The following WDFY4 variants were observed in gnomAD, a reference collection of about 807,000 sequenced individuals.
WDFY4 encodes the protein WDFY family member 4.
WDFY4 carries 169 observed loss-of-function variants against 351.9 expected under a neutral mutation model. The ratio of observed to expected loss-of-function variants is 0.48; its 90% CI spans 0.42 to 0.55. The LOEUF is 0.55. Ranked by LOEUF, WDFY4 falls within the 20% of genes least tolerant of loss-of-function variation. The pLI, the probability that WDFY4 is intolerant of heterozygous loss-of-function variation, is 0.00. For missense variants in WDFY4, 3,803 were observed against 3,935.6 expected (o/e 0.97, Z 0.90); for synonymous variants, 1,622 against 1,574.6 (o/e 1.03, Z -0.71).
chr10:48,686,984 G>A (rs1227712990), intron 1 of WDFY4, among the ~76,000 whole-genome samples: 3 of 152,040 alleles, frequency 2.0e-5, no homozygotes, highest in East Asian at 1.9e-4. Flanking sequence ...CCACCCCTCA[G>A]CAATGCACCA....
chr10:48,912,494 C>T (rs1838095576), intron 47 of WDFY4, among the ~76,000 whole-genome samples: 1 of 152,218 alleles, frequency 6.6e-6, no homozygotes, highest in Non-Finnish European at 1.5e-5. Context: ...CCCTGCACAT[C>T]CACGACTGGG....
intron 22 of WDFY4, 65 bp downstream of exon 22, chr10:48,790,050 C>T: frequency 6.8e-7 from 1 of 1,479,082 alleles, no homozygotes; most frequent in South Asian, 1.2e-5. Flanking sequence ...ATGGCTTGTG[C>T]ACCCTGGAGT....
intron 13 of WDFY4, among the ~76,000 whole-genome samples, chr10:48,772,833 G>T (rs1395838844): frequency 6.6e-6 from 1 of 151,208 alleles, no homozygotes; most frequent in Non-Finnish European, 1.5e-5. Flanking sequence ...TACTGAGAAT[G>T]GTGATTTCCA....
At chr10:48,729,616 C>T (rs1011413025) in intron 8 of WDFY4, 27 bp downstream of exon 8, 19 of 1,550,122 alleles carry the variant, frequency 1.2e-5, no homozygotes, top group African/African-American at 1.4e-5. Flanking sequence ...TCTGGGTGAC[C>T]GGAAGAGTCA....
intron 41 of WDFY4, among the ~76,000 whole-genome samples, chr10:48,874,269 A>T (rs2069906511): frequency 6.6e-6 from 1 of 152,204 alleles, no homozygotes. Flanking sequence ...TGAAGCTTGA[A>T]CTGTGTCGCA....
At chr10:48,716,245 G>A (rs556716486) in intron 2 of WDFY4, among the ~76,000 whole-genome samples, 56 of 152,196 alleles carry the variant, frequency 3.7e-4, no homozygotes, top group African/African-American at 1.3e-3. Flanking sequence ...ATGACATTTT[G>A]TTCGTGCTGG....
intron 47 of WDFY4, among the ~76,000 whole-genome samples, chr10:48,938,970 G>A (rs1057144223): frequency 6.6e-5 from 10 of 152,164 alleles, no homozygotes; most frequent in Non-Finnish European, 1.5e-5. Context: ...AATCCTCACT[G>A]GCTTCATTCG....
intron 43 of WDFY4, chr10:48,878,149 G>T (rs1387728289): frequency 6.6e-6 from 1 of 152,524 alleles, no homozygotes; most frequent in African/African-American, 2.4e-5. Context: ...CCCTTTCTGA[G>T]GGTTGGGTGG....
At chr10:48,849,187 TA>T (rs1306007612) in intron 39 of WDFY4, among the ~76,000 whole-genome samples, 4 of 152,134 alleles carry the variant, frequency 2.6e-5, no homozygotes, top group South Asian at 2.1e-4. Context: ...ACAGAAACCT[TA>T]AAAAAATAAT....
At position 48,976,857 on chromosome 10, in the gene WDFY4, C is replaced by G; in HGVS notation, c.9169C>G (p.Leu3057Val). 6.5e-7 allele frequency: 1 copy of G among 1,536,382 alleles called. No homozygotes were observed. The highest frequency in any genetic ancestry group is 8.8e-7 in the Non-Finnish European group (1 of 1,138,678). The change falls in exon 59 of 62, where the codon CTG becomes GTG. Residue 3057 changes from leucine to valine, a missense_variant. Coordinates refer to ENST00000325239, the MANE Select transcript of WDFY4 (RefSeq NM_001394531.1). The part of the protein sequence containing the change: ...LSLWNVNGQP[L>V]ASITTAWGPE... ...CCTGTGGAATGTCAATGGACAGCCC[C>G]TGGCCAGCATCACCACAGCCTGGGG... is the stretch of plus-strand genomic sequence containing the variant.
At chr10:48,753,477 C>G (rs2065243952) in intron 12 of WDFY4, among the ~76,000 whole-genome samples, 1 of 152,130 alleles carries the variant, frequency 6.6e-6, no homozygotes, top group Non-Finnish European at 1.5e-5. Flanking sequence ...ACTGTGTTTT[C>G]TCCTAAAAAT....
At position 48,760,393 on chromosome 10, in the gene WDFY4, A is replaced by C; in HGVS notation, c.2506A>C (p.Ile836Leu). ...AAIMHPGVVC[I>L]MVRLLPRLYH... The stretch of plus-strand genomic sequence containing the variant: ...AATCATGCATCCCGGGGTCGTGTGC[A>C]TCATGGTGAGGCTGCTGCCTCGGTT... The change falls in exon 13 of 62, where the codon ATC (isoleucine) becomes CTC (leucine). Residue 836 changes from isoleucine to leucine, a missense_variant. Transcript: ENST00000325239. 3 of 1,551,688 alleles carry C rather than the reference A, an allele frequency of 1.9e-6. No individual in the cohort carries two copies. The highest frequency in any genetic ancestry group is 2.6e-6 in the Non-Finnish European group (3 of 1,146,984).
chr10:48,932,330 A>G (rs929251196), intron 47 of WDFY4, among the ~76,000 whole-genome samples: 2 of 152,198 alleles, frequency 1.3e-5, no homozygotes, highest in South Asian at 4.1e-4. Flanking sequence ...GGAATCTCAG[A>G]TGGAGGAGTT....
At chr10:48,809,054 A>G (rs1431111325) in intron 28 of WDFY4, among the ~76,000 whole-genome samples, 3 of 152,248 alleles carry the variant, frequency 2.0e-5, no homozygotes, top group Admixed American at 6.5e-5. Flanking sequence ...ATGAATTAAT[A>G]TATGGATAAT....
intron 31 of WDFY4, among the ~76,000 whole-genome samples, chr10:48,816,273 T>C (rs535017681): frequency 1.3e-5 from 2 of 152,364 alleles, no homozygotes; most frequent in Non-Finnish European, 2.9e-5. Context: ...TGTGGATTTA[T>C]ATAAATAACC....
intron 28 of WDFY4, among the ~76,000 whole-genome samples, chr10:48,809,656 C>G (rs963758123): frequency 6.6e-6 from 1 of 152,198 alleles, no homozygotes; most frequent in Non-Finnish European, 1.5e-5. Flanking sequence ...CAACGTTAAT[C>G]ACTATCACCA....
chr10:48,740,765 C>T (rs571636190), intron 11 of WDFY4, among the ~76,000 whole-genome samples: 34 of 152,360 alleles, frequency 2.2e-4, no homozygotes, highest in African/African-American at 8.2e-4. Flanking sequence ...TCACACTTGA[C>T]TGCCCCCTTT....
intron 39 of WDFY4, among the ~76,000 whole-genome samples, chr10:48,850,407 G>A (rs2068918584): frequency 6.6e-6 from 1 of 152,032 alleles, no homozygotes; most frequent in Admixed American, 6.5e-5. Context: ...CATCCATTAA[G>A]CCCATTAAGT....
rs924829355 is a variant in WDFY4 at position 48,828,773 on chromosome 10, A to C, written c.6222-5A>C. On this transcript the variant is annotated splice_region_variant and splice_polypyrimidine_tract_variant and intron_variant, in intron 36 of 61. Transcript: ENST00000325239. ...GATTTTAGTGAAAAATCTCTTATCC[A>C]CTAGTTACCCAGAAGGATTTGGATT... The C allele has an allele frequency of 2.6e-6, 4 of 1,510,886 alleles. No homozygotes were observed. In the African/African-American group the frequency reaches 5.6e-5, roughly 21 times the overall value. 93.6% of individuals were successfully genotyped at this position (1,510,886 alleles called of 1,614,324 possible).
Sources: allele counts gnomAD v4.1 joint callset (sites outside exome capture counted in the v4.1 genomes callset), GRCh38; gene constraint gnomAD v4.1.1; transcripts MANE v1.5; gene names NCBI Gene and HGNC (gene_info 2026-07-23, HGNC 2026-07-21).